Variants in RASAL2 observed in about 807,000 individuals in gnomAD.
RASAL2 encodes the protein RAS protein activator like 2, also known as ras GTPase-activating protein nGAP.
Under a neutral mutation model 128.9 loss-of-function variants are expected in RASAL2, and 58 were observed. That is an observed-to-expected ratio of 0.45 (90% CI 0.36 to 0.56). The LOEUF (loss-of-function observed/expected upper bound fraction) is 0.56. Among genes scored for constraint, RASAL2 ranks in the 20% least tolerant of loss-of-function variants. RASAL2 has a pLI of 0.00. For synonymous variants in RASAL2, 561 were observed against 580.8 expected, an observed-to-expected ratio of 0.97 and a Z score of 0.49; for missense variants, 1,360 against 1,601.6, an observed-to-expected ratio of 0.85 and a Z score of 2.57.
chr1:178,435,083 G>C (rs545756332), intron 5 of RASAL2, among the ~76,000 whole-genome samples: 1 of 152,092 alleles, frequency 6.6e-6, no homozygotes, highest in South Asian at 2.1e-4. Flanking sequence ...CAGCTTACTG[G>C]CTGAGCTATC....
intron 3 of RASAL2, among the ~76,000 whole-genome samples, chr1:178,384,268 G>T (rs2102577157): frequency 6.6e-6 from 1 of 152,214 alleles, no homozygotes; most frequent in East Asian, 1.9e-4. Context: ...ATTGTAACTT[G>T]AGAATTTTAC....
chr1:178,423,458 G>C (rs753335030), intron 5 of RASAL2, among the ~76,000 whole-genome samples: 1 of 152,096 alleles, frequency 6.6e-6, no homozygotes, highest in Non-Finnish European at 1.5e-5. Context: ...GTAAAATGTA[G>C]TATTTATTAT....
rs1009505677 is a variant in RASAL2 at position 178,232,064 on chromosome 1, A to G, written c.203-51500A>G. On this transcript the variant is annotated intron_variant, in intron 1 of 17. Transcript: ENST00000367649. ...CCTGTTTTTCATTGTAAAACATTCT[A>G]CAAATAAGTGGATAGTTTTTTTAGT... Among the ~76,000 whole-genome samples, 3 of 152,318 alleles carry G rather than the reference A, an allele frequency of 2.0e-5. No homozygotes were observed. In the East Asian group the frequency reaches 5.8e-4, roughly 29 times the overall value.
intron 1 of RASAL2, among the ~76,000 whole-genome samples, chr1:178,239,608 A>T (rs1319579147): frequency 1.3e-5 from 2 of 152,086 alleles, no homozygotes; most frequent in Non-Finnish European, 2.9e-5. Context: ...ATTTTAAGCA[A>T]CTTATAATAA....
intron 1 of RASAL2, among the ~76,000 whole-genome samples, chr1:178,258,346 G>GA (rs1018502177): frequency 1.9e-4 from 28 of 146,860 alleles, no homozygotes; most frequent in African/African-American, 7.0e-4. Context: ...CAGAATGGAA[G>GA]AAAAAATTTG....
intron 1 of RASAL2, among the ~76,000 whole-genome samples, chr1:178,154,096 A>G (rs937760810): frequency 3.3e-5 from 5 of 150,876 alleles, no homozygotes; most frequent in Admixed American, 2.6e-4. Context: ...TCAGCCTCCC[A>G]GAGTGCTGGG....
At chr1:178,356,712 A>T (rs1051377417) in intron 3 of RASAL2, among the ~76,000 whole-genome samples, 4 of 152,212 alleles carry the variant, frequency 2.6e-5, no homozygotes, top group African/African-American at 9.6e-5. Context: ...TATAGTGGTT[A>T]TCTATAGGGT....
At chr1:178,319,581 C>T (rs886382099) in intron 3 of RASAL2, among the ~76,000 whole-genome samples, 6 of 146,806 alleles carry the variant, frequency 4.1e-5, no homozygotes, top group South Asian at 2.1e-4. Context: ...TCCAGTTGAT[C>T]GTATCGGCTC....
rs147778750 is a variant in RASAL2 at position 178,223,856 on chromosome 1, T to A, written c.203-59708T>A. Among the ~76,000 whole-genome samples the A allele has an allele frequency of 3.8e-3, 572 of 152,186 alleles. 4 individuals are homozygous for A. The highest frequency in any genetic ancestry group is 6.3e-3 in the Non-Finnish European group (430 of 67,980). ...TTGGATATTGAATGGTGAGAGATGG[T>A]GATAACTAAGGTTTGGGGCTTGTAT... On this transcript the variant is annotated intron_variant, in intron 1 of 17. Transcript: ENST00000367649.
chr1:178,185,928 T>A (rs1227396350), intron 1 of RASAL2, among the ~76,000 whole-genome samples: 1 of 152,170 alleles, frequency 6.6e-6, no homozygotes, highest in Non-Finnish European at 1.5e-5. Context: ...TCCATCTACT[T>A]CTGTTTTCTG....
chr1:178,106,249 A>G (rs1328020120), intron 1 of RASAL2, among the ~76,000 whole-genome samples: 1 of 152,230 alleles, frequency 6.6e-6, no homozygotes, highest in Non-Finnish European at 1.5e-5. Flanking sequence ...GACTGACAGC[A>G]TAAAAAATCT....
At chr1:178,258,266 C>T (rs1665480121) in intron 1 of RASAL2, among the ~76,000 whole-genome samples, 1 of 147,582 alleles carries the variant, frequency 6.8e-6, no homozygotes, top group African/African-American at 2.5e-5. Flanking sequence ...TGCATTCCAC[C>T]CTGGGCAACA....
chr1:178,439,949 A>C (rs1676512905), intron 6 of RASAL2, among the ~76,000 whole-genome samples: 1 of 143,140 alleles, frequency 7.0e-6, no homozygotes, highest in Non-Finnish European at 1.5e-5. Flanking sequence ...AAGATCTGAG[A>C]CCATGTTTTT....
In RASAL2 at chr1:178,188,681, A is replaced by G. The variant is rs548269981; in HGVS notation, c.202+93987A>G. ...AACTTAGAAGTAGTAAAATTCTTCA[A>G]CTTACATTCGGATTCTATGATTCTT... On this transcript the variant is annotated intron_variant, in intron 1 of 17. Coordinates refer to ENST00000367649, the MANE Select transcript of RASAL2 (RefSeq NM_170692.4). Among the ~76,000 whole-genome samples the G allele has an allele frequency of 1.6e-4, 25 of 152,272 alleles. No homozygotes were observed. The South Asian group carries it at 4.1e-3, about 25-fold the overall frequency.
At chr1:178,212,709 C>T (rs963902394) in intron 1 of RASAL2, among the ~76,000 whole-genome samples, 1 of 152,102 alleles carries the variant, frequency 6.6e-6, no homozygotes, top group Non-Finnish European at 1.5e-5. Context: ...CCAGGCTGGT[C>T]TCAAACTCCT....
At chr1:178,441,209 G>A (rs904615394) in intron 6 of RASAL2, among the ~76,000 whole-genome samples, 2 of 152,178 alleles carry the variant, frequency 1.3e-5, no homozygotes, top group African/African-American at 4.8e-5. Flanking sequence ...CATAGCATAT[G>A]TCTAACTCAC....
At chr1:178,279,305 C>T (rs1156363625) in intron 1 of RASAL2, among the ~76,000 whole-genome samples, 1 of 152,124 alleles carries the variant, frequency 6.6e-6, no homozygotes, top group Non-Finnish European at 1.5e-5. Context: ...TCATCCACCA[C>T]AAACAACTAG....
chr1:178,201,904 C>T (rs1199921276), intron 1 of RASAL2, among the ~76,000 whole-genome samples: 2 of 152,198 alleles, frequency 1.3e-5, no homozygotes, highest in Non-Finnish European at 2.9e-5. Flanking sequence ...CCCAGAACCC[C>T]TTGAATGAAG....
At chr1:178,326,398 C>A (rs191277686) in intron 3 of RASAL2, among the ~76,000 whole-genome samples, 2 of 152,028 alleles carry the variant, frequency 1.3e-5, no homozygotes, top group African/African-American at 4.8e-5. Context: ...TTTTTAGACT[C>A]TAAGAAGTCA....
Sources: gnomAD v4.1 joint callset for allele counts (sites outside exome capture counted in the v4.1 genomes callset) on GRCh38, gnomAD v4.1.1 for gene constraint, MANE v1.5 for transcripts, NCBI Gene and HGNC (gene_info 2026-07-23, HGNC 2026-07-21) for gene names.